GAS2L3: variants seen among roughly 807,000 people sequenced by gnomAD.
GAS2L3 encodes GAS2-like protein 3.
In GAS2L3, 28 loss-of-function variants were observed where a neutral mutation model predicts 37.0. The observed-to-expected ratio is 0.76, with a 90% CI of 0.56 to 1.04. The LOEUF is 1.04. Among genes scored for constraint, GAS2L3 ranks in the 50% least tolerant of loss-of-function variants. The pLI, the probability that GAS2L3 is intolerant of heterozygous loss-of-function variation, is 0.00. For missense variants in GAS2L3, 793 were observed against 817.6 expected (o/e 0.97, Z 0.37); for synonymous variants, 290 against 296.6 (o/e 0.98, Z 0.23).
At chr12:100,588,772 A>G (rs1456130032) in intron 1 of GAS2L3, among the ~76,000 whole-genome samples, 4 of 152,122 alleles carry the variant, frequency 2.6e-5, no homozygotes, top group African/African-American at 9.7e-5. Flanking sequence ...TTCCCAGGGT[A>G]TTAATATTAA....
At chr12:100,597,899 A>T (rs531705668) in intron 3 of GAS2L3, among the ~76,000 whole-genome samples, 1 of 152,200 alleles carries the variant, frequency 6.6e-6, no homozygotes, top group South Asian at 2.1e-4. Flanking sequence ...TATATTTAAA[A>T]ATCAAGAAAG....
intron 1 of GAS2L3, among the ~76,000 whole-genome samples, chr12:100,587,285 T>A (rs1955792863): frequency 6.6e-6 from 1 of 152,080 alleles, no homozygotes; most frequent in Non-Finnish European, 1.5e-5. Context: ...AAAAGAAAAC[T>A]ACAGACCAAT....
chr12:100,580,881 A>G (rs1476781848), intron 1 of GAS2L3, among the ~76,000 whole-genome samples: 3 of 152,172 alleles, frequency 2.0e-5, no homozygotes, highest in Admixed American at 6.5e-5. Context: ...GTCATGGTTG[A>G]TATAAGATAT....
chr12:100,595,174 A>T (rs977627762), intron 3 of GAS2L3, among the ~76,000 whole-genome samples: 3 of 152,012 alleles, frequency 2.0e-5, no homozygotes, highest in African/African-American at 7.2e-5. Flanking sequence ...TTTGGCTAAG[A>T]TCAAGTGTAA....
intron 1 of GAS2L3, among the ~76,000 whole-genome samples, chr12:100,588,804 C>T (rs1955811382): frequency 6.6e-6 from 1 of 152,116 alleles, no homozygotes; most frequent in Non-Finnish European, 1.5e-5. Flanking sequence ...AGAAAAAGAA[C>T]TTAGCAATAT....
Position 100,624,992 on chromosome 12 carries a change from C to G in GAS2L3, c.*102C>G. On this transcript the variant is annotated 3_prime_UTR_variant, in exon 10 of 10. Transcript: ENST00000547754. ...GTGTCTGTCTAAATAGGTGCAGACA[C>G]TAAGGATAGTGAGGATGGAGGCTGG... The G allele has an allele frequency of 2.2e-6, 2 of 891,972 alleles. No individual in the cohort carries two copies. The highest frequency in any genetic ancestry group is 3.4e-5 in the South Asian group (2 of 58,464). 55.3% of individuals were successfully genotyped at this position (891,972 alleles called of 1,614,324 possible). A position where few individuals can be genotyped will look rare whatever the true frequency, so the allele number is the denominator to read the frequency against.
chr12:100,610,669 G>A (rs926330817), intron 5 of GAS2L3, among the ~76,000 whole-genome samples: 2 of 151,986 alleles, frequency 1.3e-5, no homozygotes, highest in Non-Finnish European at 2.9e-5. Context: ...AGGAACTGGG[G>A]GTAGGTGAGA....
chr12:100,607,398 A>G (rs1956070676), intron 5 of GAS2L3, among the ~76,000 whole-genome samples: 1 of 152,044 alleles, frequency 6.6e-6, no homozygotes, highest in Admixed American at 6.5e-5. Flanking sequence ...GTCTTGAGGT[A>G]GTGTTCTTTG....
In GAS2L3 at chr12:100,624,540, A is replaced by G; in HGVS notation, c.1735A>G (p.Lys579Glu). Residue 579 changes from lysine to glutamate, a missense_variant, in exon 10 of 10, where the codon AAA (lysine) becomes GAA (glutamate). Transcript: ENST00000547754. ...VSPVKATQKS[K>E]DKNIVSATKK... is the part of the protein sequence containing the mutation. ...TCCTGTAAAAGCCACACAGAAATCA[A>G]AAGATAAGAATATAGTTTCAGCTAC... 6.2e-7 allele frequency: 1 copy of G among 1,614,092 alleles called. No individual in the cohort carries two copies. The highest frequency in any genetic ancestry group is 8.5e-7 in the Non-Finnish European group (1 of 1,180,026).
rs367853503 is a variant in GAS2L3, at chr12:100,624,100, C to T, written c.1295C>T (p.Pro432Leu). 34 of 1,613,778 alleles carry T rather than the reference C, an allele frequency of 2.1e-5. No homozygotes were observed. The highest frequency in any genetic ancestry group is 1.1e-4 in the East Asian group (5 of 44,880). Reference sequence around the variant, plus strand: ...ACTGCACCTTGTATATCTGAGTCACCGAGAAAATGTATTTCATCCCCCAAT... The same window carrying T: ...ACTGCACCTTGTATATCTGAGTCACTGAGAAAATGTATTTCATCCCCCAAT... The part of the protein sequence containing the change: ...PRTAPCISES[P>L]RKCISSPNTP... The change falls in exon 10 of 10, where the codon CCG (proline) becomes CTG (leucine). Residue 432 changes from proline to leucine, a missense_variant. Pro to Leu is a moderately conservative substitution (Grantham distance 98). Transcript: ENST00000547754.
intron 1 of GAS2L3, chr12:100,578,987 T>C (rs1444214864): frequency 2.3e-6 from 2 of 881,192 alleles, no homozygotes; most frequent in African/African-American, 3.3e-5. Context: ...AGGCATCCGT[T>C]ACCTCACTAA....
chr12:100,624,897 A>G lies in GAS2L3; in HGVS notation c.*7A>G, dbSNP rs571506602. The G allele has an allele frequency of 1.9e-5, 29 of 1,525,286 alleles. No homozygotes were observed. The East Asian group carries it at 2.0e-4, about 11-fold the overall frequency. The allele number at this position is 1,525,286 out of a possible 1,614,324, so 94.5% of individuals were successfully genotyped here. On this transcript the variant is annotated 3_prime_UTR_variant, in exon 10 of 10. Coordinates refer to ENST00000547754, the MANE Select transcript of GAS2L3 (RefSeq NM_174942.3). ...TAAGAAACCTAGAAAATAAATACATACTCATTATAAAAAAAGAGAAAAGGA... is the reference window on the plus strand; with the variant it reads ...TAAGAAACCTAGAAAATAAATACATGCTCATTATAAAAAAAGAGAAAAGGA...
Position 100,591,220 on chromosome 12 carries a change from C to T in GAS2L3, c.-151-516C>T, listed in dbSNP as rs530628261. 8.4e-4 allele frequency among the ~76,000 whole-genome samples: 128 copies of T among 152,156 alleles called. 1 individual carries two copies. Among genetic ancestry groups the T allele is most frequent in the South Asian group, 6.8e-3 (33 of 4,818 alleles). ...TCATCACTGTGTCTCTTGCCTATGGCGTCTAGTTCAGTAAAGGAGGTGAAT... is the reference window on the plus strand; with the variant it reads ...TCATCACTGTGTCTCTTGCCTATGGTGTCTAGTTCAGTAAAGGAGGTGAAT... On this transcript the variant is annotated intron_variant, in intron 1 of 9. Transcript: ENST00000547754.
Position 100,627,258 on chromosome 12 carries a change from GTTGTTTTGTT to G in GAS2L3, c.*2381_*2390del, listed in dbSNP as rs1029206180. Among the ~76,000 whole-genome samples, 1 of 151,686 alleles carries G rather than the reference GTTGTTTTGTT, an allele frequency of 6.6e-6. No homozygotes were observed. The highest frequency in any genetic ancestry group is 2.4e-5 in the African/African-American group (1 of 41,296). On this transcript the variant is annotated 3_prime_UTR_variant, in exon 10 of 10. Coordinates refer to ENST00000547754, the MANE Select transcript of GAS2L3 (RefSeq NM_174942.3). Reference sequence around the variant, plus strand: ...TCCAAAATAAAAGTGTTTTTTTAATGTTGTTTTGTTTTGTTTTGTTTTTTTCCTTTTTTGA... The same window carrying G: ...TCCAAAATAAAAGTGTTTTTTTAATGTTGTTTTGTTTTTTTCCTTTTTTGA...
Position 100,624,655 on chromosome 12 carries a change from G to C in GAS2L3, c.1850G>C (p.Ser617Thr). Residue 617 changes from serine (S) to threonine (T), a missense_variant, in exon 10 of 10, where the codon AGC becomes ACC. Coordinates refer to ENST00000547754, the MANE Select transcript of GAS2L3 (RefSeq NM_174942.3). ...SPGRTPLSIVSLPQSSTKTQT... is the reference protein window; with the variant it reads ...SPGRTPLSIVTLPQSSTKTQT... Reference sequence around the variant, plus strand: ...GGCCGTACCCCACTGTCCATCGTGAGCCTACCCCAGTCTTCTACCAAAACA... The same window carrying C: ...GGCCGTACCCCACTGTCCATCGTGACCCTACCCCAGTCTTCTACCAAAACA... The C allele has an allele frequency of 6.2e-7, 1 of 1,614,100 alleles. No homozygotes were observed. The highest frequency in any genetic ancestry group is 8.5e-7 in the Non-Finnish European group (1 of 1,180,006).
At chr12:100,612,403 G>A (rs1389968291) in intron 6 of GAS2L3, 2 of 332,454 alleles carry the variant, frequency 6.0e-6, no homozygotes, top group East Asian at 1.4e-4. Context: ...GAAGGTTCTG[G>A]ACTAATGCTT....
chr12:100,591,683 T>C (rs933684922), intron 1 of GAS2L3, 53 bp from the exon 2 acceptor site: 1 of 152,152 alleles, frequency 6.6e-6, no homozygotes, highest in Non-Finnish European at 1.5e-5. Context: ...TATCGTCTCA[T>C]TTAATTTTTT....
intron 5 of GAS2L3, among the ~76,000 whole-genome samples, chr12:100,609,402 A>G (rs1316419991): frequency 6.6e-6 from 1 of 152,136 alleles, no homozygotes; most frequent in Non-Finnish European, 1.5e-5. Flanking sequence ...CACTACTGTG[A>G]CAAGGCAGCA....
intron 7 of GAS2L3, 90 bp downstream of exon 7, chr12:100,617,897 A>G (rs1401864477): frequency 9.5e-6 from 7 of 734,644 alleles, no homozygotes; most frequent in Non-Finnish European, 1.4e-5. Context: ...TCTATAAATA[A>G]AAAAATGCTT....
Sources: gnomAD v4.1 joint callset for allele counts (sites outside exome capture counted in the v4.1 genomes callset) on GRCh38, gnomAD v4.1.1 for gene constraint, MANE v1.5 for transcripts, NCBI Gene and HGNC (gene_info 2026-07-23, HGNC 2026-07-21) for gene names.